Variants in RAPGEF1 observed in about 807,000 individuals in gnomAD.
The protein encoded by RAPGEF1 is CRK SH3-binding GNRP.
Under a neutral mutation model 143.3 loss-of-function variants are expected in RAPGEF1, and 33 were observed. The ratio of observed to expected loss-of-function variants is 0.23; its 90% confidence interval spans 0.17 to 0.31. RAPGEF1 has a LOEUF of 0.31. Ranked by LOEUF, RAPGEF1 falls within the 10% of genes least tolerant of loss-of-function variation. RAPGEF1 has a pLI of 1.00. For synonymous variants in RAPGEF1, 629 were observed against 676.5 expected (o/e 0.93, Z 1.09); for missense variants, 1,199 against 1,645.4 (o/e 0.73, Z 4.69).
At chr9:131,604,863 A>G in intron 13 of RAPGEF1, 68 bp downstream of exon 13, 1 of 1,218,372 alleles carries the variant, frequency 8.2e-7, no homozygotes, top group Non-Finnish European at 1.1e-6. Flanking sequence ...CTTTTTAAAA[A>G]ACGTGCAGCC....
intron 1 of RAPGEF1, among the ~76,000 whole-genome samples, chr9:131,699,747 G>C (rs546086294): frequency 7.9e-5 from 12 of 152,196 alleles, no homozygotes; most frequent in African/African-American, 2.6e-4. Flanking sequence ...AAGGTCTTTC[G>C]AGGTTTCTGC....
intron 11 of RAPGEF1, among the ~76,000 whole-genome samples, chr9:131,620,294 G>T (rs1238824977): frequency 1.3e-5 from 2 of 150,492 alleles, no homozygotes; most frequent in African/African-American, 4.9e-5. Context: ...TTTTTAGACA[G>T]GGTCTCACTA....
intron 1 of RAPGEF1, among the ~76,000 whole-genome samples, chr9:131,695,884 G>A (rs759382281): frequency 6.6e-6 from 1 of 152,198 alleles, no homozygotes; most frequent in African/African-American, 2.4e-5. Flanking sequence ...CAGGCAAGCA[G>A]GCATTCTTTA....
At position 131,650,792 on chromosome 9, in the gene RAPGEF1, C is replaced by A; in HGVS notation, c.201+18G>T. On this transcript the variant is annotated intron_variant, in intron 2 of 26. Transcript: ENST00000683357. This position sits in a 1 kb window ranked among gnomAD's most constrained non-coding sequence, Gnocchi z 4.7. ...TGGAAGCAGGTGAGGCCAGGAGAAA[C>A]ATCCAGAGTCAGCTTACTTTGTTCA... The A allele has an allele frequency of 6.2e-7, 1 of 1,612,324 alleles. No individual in the cohort carries two copies.
At chr9:131,582,745 GTGCTGGGGCAA>G in intron 24 of RAPGEF1, 43 bp from the exon 25 acceptor site, 3 of 1,503,268 alleles carry the variant, frequency 2.0e-6, no homozygotes, top group Non-Finnish European at 2.7e-6. Context: ...GGGTGAGCGA[GTGCTGGGGCAA>G]TGCTGGGGCA....
intron 12 of RAPGEF1, among the ~76,000 whole-genome samples, chr9:131,615,089 T>C (rs966412790): frequency 1.3e-4 from 20 of 152,146 alleles, no homozygotes; most frequent in Non-Finnish European, 1.5e-4. Context: ...TTTTTCTTTT[T>C]TGAGACGGAG....
chr9:131,624,164 C>A (rs1416122253), intron 10 of RAPGEF1, among the ~76,000 whole-genome samples: 1 of 152,212 alleles, frequency 6.6e-6, no homozygotes, highest in Non-Finnish European at 1.5e-5. Flanking sequence ...AGTCCCAGAT[C>A]TGTGCCCCAC....
At chr9:131,723,263 T>C (rs1034955459) in intron 1 of RAPGEF1, among the ~76,000 whole-genome samples, 2 of 152,158 alleles carry the variant, frequency 1.3e-5, no homozygotes, top group Non-Finnish European at 2.9e-5. Context: ...TATATAAACA[T>C]TGAAAAAACT....
At position 131,621,458 on chromosome 9, in the gene RAPGEF1, T is replaced by G. The variant is rs1011714069; in HGVS notation, c.1905+338A>C. On this transcript the variant is annotated intron_variant, in intron 11 of 26. Transcript: ENST00000683357. The surrounding 1 kb of genome is among the most constrained non-coding windows in gnomAD (Gnocchi z 4.5). ...GAGTCCCTCCTTTCTGGGAGGTCTA[T>G]GTTGAAGCCAAAGAAGAAAGAAAAA... Among the ~76,000 whole-genome samples, 1 of 152,128 alleles carries G rather than the reference T, an allele frequency of 6.6e-6. No individual in the cohort carries two copies. The highest frequency in any genetic ancestry group is 1.5e-5 in the Non-Finnish European group (1 of 68,026).
At chr9:131,622,137 G>A (rs574981839) in intron 10 of RAPGEF1, 139 bp from the exon 11 acceptor site, 7 of 787,464 alleles carry the variant, frequency 8.9e-6, no homozygotes, top group African/African-American at 8.6e-5. Flanking sequence ...GAGCACGGAG[G>A]ACTTTTCGGG....
At chr9:131,710,908 C>G (rs1376812254) in intron 1 of RAPGEF1, among the ~76,000 whole-genome samples, 1 of 152,168 alleles carries the variant, frequency 6.6e-6, no homozygotes, top group African/African-American at 2.4e-5. Flanking sequence ...CAGTTGAGCA[C>G]AGCAGCCTCA....
Position 131,650,897 on chromosome 9 carries a change from G to C in RAPGEF1, c.114C>G (p.Phe38Leu), listed in dbSNP as rs760273194. 2 of 1,613,958 alleles carry C rather than the reference G, an allele frequency of 1.2e-6. No individual in the cohort carries two copies. Among genetic ancestry groups the C allele is most frequent in the Non-Finnish European group, 1.7e-6 (2 of 1,179,848 alleles). ...SSFTMKLMDKFHSPKIKRTPS... is the reference protein window; with the variant it reads ...SSFTMKLMDKLHSPKIKRTPS... ...GCGTTCTCTTGATTTTGGGTGAGTGGAATTTGTCCATCAGCTTCATGGTGA... is the reference window on the plus strand; with the variant it reads ...GCGTTCTCTTGATTTTGGGTGAGTGCAATTTGTCCATCAGCTTCATGGTGA... Residue 38 changes from phenylalanine to leucine, a missense_variant, in exon 2 of 27, where the codon TTC becomes TTG. Physicochemically the swap from Phe to Leu is conservative, Grantham distance 22 (BLOSUM62 0). Coordinates refer to ENST00000683357, the MANE Select transcript of RAPGEF1 (RefSeq NM_001377935.1). The surrounding 1 kb of genome is among the most constrained non-coding windows in gnomAD (Gnocchi z 4.7).
chr9:131,726,579 C>G (rs1001448041), intron 1 of RAPGEF1, among the ~76,000 whole-genome samples: 4 of 120,974 alleles, frequency 3.3e-5, no homozygotes, highest in Non-Finnish European at 5.9e-5. Context: ...TGAGCTGAGA[C>G]GGCACTGCTG....
intron 16 of RAPGEF1, among the ~76,000 whole-genome samples, chr9:131,596,749 C>A (rs932742907): frequency 6.6e-6 from 1 of 152,156 alleles, no homozygotes; most frequent in African/African-American, 2.4e-5. Flanking sequence ...CCCCTGGGGG[C>A]AAGACAGTCC....
At chr9:131,615,006 G>A (rs1286282343) in intron 12 of RAPGEF1, among the ~76,000 whole-genome samples, 1 of 152,222 alleles carries the variant, frequency 6.6e-6, no homozygotes, top group East Asian at 1.9e-4. Context: ...CTTAGTGAGA[G>A]TAAATACCCA....
At position 131,632,419 on chromosome 9, in the gene RAPGEF1, G is replaced by A. The variant is rs186691282; in HGVS notation, c.652-2095C>T. Among the ~76,000 whole-genome samples the A allele has an allele frequency of 2.6e-5, 4 of 151,714 alleles. No homozygotes were observed. The East Asian group carries it at 5.8e-4, about 22-fold the overall frequency. Reference sequence around the variant, plus strand: ...TGGGATTACAGGCGTGAGCCACCGCGCCCGGCCAAGACTCTGTCTCTTAAA... The same window carrying A: ...TGGGATTACAGGCGTGAGCCACCGCACCCGGCCAAGACTCTGTCTCTTAAA... On this transcript the variant is annotated intron_variant, in intron 5 of 26. Coordinates refer to ENST00000683357, the MANE Select transcript of RAPGEF1 (RefSeq NM_001377935.1).
At chr9:131,625,117 G>C (rs1398907160) in intron 10 of RAPGEF1, among the ~76,000 whole-genome samples, 1 of 152,200 alleles carries the variant, frequency 6.6e-6, no homozygotes, top group Non-Finnish European at 1.5e-5. Flanking sequence ...GTCAACTGAG[G>C]CCAGGGAAGC....
At chr9:131,737,135 T>C (rs951701950) in intron 1 of RAPGEF1, among the ~76,000 whole-genome samples, 1 of 152,168 alleles carries the variant, frequency 6.6e-6, no homozygotes, top group African/African-American at 2.4e-5. Context: ...GAGGCTGGAC[T>C]TCCAGCCAGC....
chr9:131,676,432 T>C (rs1832370275), intron 1 of RAPGEF1, among the ~76,000 whole-genome samples: 1 of 152,170 alleles, frequency 6.6e-6, no homozygotes, highest in Non-Finnish European at 1.5e-5. Context: ...ATCTCCAAGA[T>C]GGGCAAGAAA....
Sources: gnomAD v4.1 joint callset for allele counts (sites outside exome capture counted in the v4.1 genomes callset) on GRCh38, gnomAD v4.1.1 for gene constraint, Gnocchi (gnomAD v3.1) non-coding constraint, MANE v1.5 for transcripts, NCBI Gene and HGNC (gene_info 2026-07-23, HGNC 2026-07-21) for gene names.